The following ITGB2 variants were observed in gnomAD, a reference collection of about 807,000 sequenced individuals.
ITGB2 encodes integrin subunit beta 2.
Under a neutral mutation model 86.8 loss-of-function variants are expected in ITGB2, and 56 were observed. The observed-to-expected ratio is 0.65, with a 90% CI of 0.52 to 0.81. The LOEUF (loss-of-function observed/expected upper bound fraction) is 0.81, where lower values mean the gene tolerates loss of function less well. ITGB2 is among the 30% of genes least tolerant of loss of function. The probability of loss-of-function intolerance (pLI) is 0.00; values close to 1 mark genes in which losing one functional copy is unlikely to be tolerated. For missense variants in ITGB2, 948 were observed against 1,061.2 expected, an observed-to-expected ratio of 0.89 and a Z score of 1.48; for synonymous variants, 457 against 450.4, an observed-to-expected ratio of 1.01 and a Z score of -0.19.
At chr21:44,899,314 G>T in intron 7 of ITGB2, 152 bp from the exon 8 acceptor site, 1 of 685,108 alleles carries the variant, frequency 1.5e-6, no homozygotes, top group South Asian at 1.6e-5. Context: ...ACGCAGGAGT[G>T]CAGGGCAGAG....
chr21:44,886,204 C>A lies in ITGB2; in HGVS notation c.*164G>T. On this transcript the variant is annotated 3_prime_UTR_variant, in exon 16 of 16. Transcript: ENST00000652462. ...AGAGTGGAGCTGTCCCCCCGACGAG[C>A]CCCCAGAAGCACCCGGCCGGCCATG... is the stretch of plus-strand genomic sequence containing the variant. 2 of 694,586 alleles carry A rather than the reference C, an allele frequency of 2.9e-6. No individual in the cohort carries two copies. Among genetic ancestry groups the A allele is most frequent in the South Asian group, 1.6e-5 (1 of 63,212 alleles). 43.0% of individuals were successfully genotyped at this position (694,586 alleles called of 1,614,324 possible). A position where few individuals can be genotyped will look rare whatever the true frequency, so the allele number is the denominator to read the frequency against.
At chr21:44,907,973 C>T (rs1415476767) in intron 3 of ITGB2, 1 of 697,326 alleles carries the variant, frequency 1.4e-6, no homozygotes, top group Admixed American at 2.1e-5. Context: ...GTAATCCACA[C>T]AGAAACAAAC....
In ITGB2 at chr21:44,893,071, A is replaced by G. The variant is rs34546748; in HGVS notation, c.1224+333T>C. ...TTGGGGGCCAAGGCGTGTGTGAAGA[A>G]CCCTCCCAGCACCCTCTCACTGAGA... On this transcript the variant is annotated intron_variant, in intron 10 of 15. Transcript: ENST00000652462. 5.8e-4 allele frequency: 188 copies of G among 324,006 alleles called. 2 individuals are homozygous for G. The East Asian group carries it at 0.014, about 25-fold the overall frequency. 20.1% of individuals were successfully genotyped at this position (324,006 alleles called of 1,614,324 possible).
intron 1 of ITGB2, among the ~76,000 whole-genome samples, chr21:44,913,415 C>T (rs186733506): frequency 6.4e-4 from 98 of 152,270 alleles, no homozygotes; most frequent in Non-Finnish European, 1.2e-3. Context: ...TCCCACCTGC[C>T]CACAGGGAGA....
At position 44,888,731 on chromosome 21, in the gene ITGB2, C is replaced by T; in HGVS notation, c.2042G>A (p.Gly681Glu). 6.2e-7 allele frequency: 1 copy of T among 1,611,032 alleles called. No individual in the cohort carries two copies. The highest frequency in any genetic ancestry group is 8.5e-7 in the Non-Finnish European group (1 of 1,179,964). The change falls in exon 14 of 16, where the codon GGG becomes GAG. Residue 681 changes from glycine to glutamate, a missense_variant. Coordinates refer to ENST00000652462, the MANE Select transcript of ITGB2 (RefSeq NM_000211.5). ...WVAYTLEQQD[G>E]MDRYLIYVDE... ...CACATAGATGAGGTAGCGGTCCATC[C>T]CGTCCTGCTGCTCCAGCGTGTAGGC...
intron 7 of ITGB2, among the ~76,000 whole-genome samples, chr21:44,899,842 C>T (rs8132181): frequency 0.056 from 8,481 of 152,286 alleles, 800 homozygotes; most frequent in African/African-American, 0.19. Flanking sequence ...TCCCCGCAGC[C>T]GCTCACCCAG....
rs1156388833 is a variant in ITGB2, at chr21:44,890,100, C to G, written c.1535G>C (p.Cys512Ser). ...NSIICSGLGD[C>S]VCGQCLCHTS... ...GTGGCACAGGCACTGCCCGCAGACACAGTCCCCCAGCCCTGAGCAGATGAT... is the reference window on the plus strand; with the variant it reads ...GTGGCACAGGCACTGCCCGCAGACAGAGTCCCCCAGCCCTGAGCAGATGAT... Residue 512 changes from cysteine (C) to serine (S), a missense_variant, in exon 12 of 16, where the codon TGT (cysteine) becomes TCT (serine). Coordinates refer to ENST00000652462, the MANE Select transcript of ITGB2 (RefSeq NM_000211.5). The G allele has an allele frequency of 6.2e-7, 1 of 1,613,386 alleles. No homozygotes were observed. Among genetic ancestry groups the G allele is most frequent in the Non-Finnish European group, 8.5e-7 (1 of 1,180,026 alleles).
chr21:44,899,007 C>G (rs2083908389), intron 8 of ITGB2, 60 bp downstream of exon 8: 2 of 1,362,546 alleles, frequency 1.5e-6, no homozygotes, highest in Non-Finnish European at 2.1e-6. Context: ...GGCGCTGGGT[C>G]TGGCCTGTGG....
intron 9 of ITGB2, chr21:44,893,887 G>A: frequency 2.8e-6 from 1 of 359,124 alleles, no homozygotes; most frequent in Non-Finnish European, 5.5e-6. Flanking sequence ...GGGAGAAACA[G>A]AGAGAGGCAG....
chr21:44,903,020 G>T lies in ITGB2; in HGVS notation c.499+345C>A, dbSNP rs181836079. Among the ~76,000 whole-genome samples the T allele has an allele frequency of 1.6e-3, 247 of 152,344 alleles. No homozygotes were observed. The Middle Eastern group carries it at 0.034, about 21-fold the overall frequency. ...GCTGTGTGGTTTCTTCAGTGCTGCC[G>T]TCGCTGTGCCGTCTATATGTGTTGT... On this transcript the variant is annotated intron_variant, in intron 5 of 15. Transcript: ENST00000652462.
chr21:44,901,662 A>G lies in ITGB2; in HGVS notation c.571T>C (p.Cys191Arg). Residue 191 changes from cysteine (C) to arginine (R), a missense_variant, in exon 6 of 16, where the codon TGC becomes CGC. Coordinates refer to ENST00000652462, the MANE Select transcript of ITGB2 (RefSeq NM_000211.5). ...TGGCACTCTTTCTCCTTGTTGGGGCATGGGTTTCGCAGCTTATCAGGGTGC... is the reference window on the plus strand; with the variant it reads ...TGGCACTCTTTCTCCTTGTTGGGGCGTGGGTTTCGCAGCTTATCAGGGTGC... ...NTHPDKLRNP[C>R]PNKEKECQPP... is the part of the protein sequence containing the mutation. 1 of 1,614,226 alleles carries G rather than the reference A, an allele frequency of 6.2e-7. No homozygotes were observed. Among genetic ancestry groups the G allele is most frequent in the Non-Finnish European group, 8.5e-7 (1 of 1,180,036 alleles).
At chr21:44,890,625 C>T (rs2083773087) in intron 11 of ITGB2, among the ~76,000 whole-genome samples, 1 of 152,210 alleles carries the variant, frequency 6.6e-6, no homozygotes, top group African/African-American at 2.4e-5. Flanking sequence ...CGCCCTCCCT[C>T]CTGCGTTCGT....
chr21:44,927,018 G>C (rs947548563), intron 1 of ITGB2: 8 of 152,264 alleles, frequency 5.3e-5, no homozygotes, highest in African/African-American at 1.7e-4. Flanking sequence ...AGCATAGATG[G>C]GGAAGGAGAT....
Position 44,903,305 on chromosome 21 carries a change from G to A in ITGB2, c.499+60C>T, listed in dbSNP as rs574179767. The A allele has an allele frequency of 2.5e-6, 4 of 1,593,682 alleles. No homozygotes were observed. The East Asian group carries it at 6.7e-5, about 27-fold the overall frequency. On this transcript the variant is annotated intron_variant, in intron 5 of 15. Coordinates refer to ENST00000652462, the MANE Select transcript of ITGB2 (RefSeq NM_000211.5). ...GTGCGAGGAGTTGTGTGGGCCACAGGCAGGAGTGGCCAGGGTCTGGGAAAG... is the reference window on the plus strand; with the variant it reads ...GTGCGAGGAGTTGTGTGGGCCACAGACAGGAGTGGCCAGGGTCTGGGAAAG...
intron 10 of ITGB2, chr21:44,892,831 C>T (rs935316802): frequency 6.3e-6 from 1 of 158,670 alleles, no homozygotes; most frequent in Admixed American, 6.0e-5. Flanking sequence ...AGTGTCCATT[C>T]CTAACCACCT....
intron 4 of ITGB2, among the ~76,000 whole-genome samples, chr21:44,905,310 C>T (rs1490403463): frequency 6.6e-6 from 1 of 152,138 alleles, no homozygotes; most frequent in South Asian, 2.1e-4. Context: ...CCCGAGTTTG[C>T]CTACCCTCAC....
At chr21:44,892,586 C>T (rs377401380) in intron 10 of ITGB2, among the ~76,000 whole-genome samples, 1 of 116,070 alleles carries the variant, frequency 8.6e-6, no homozygotes, top group Non-Finnish European at 1.6e-5. Context: ...GCCTGGGCGA[C>T]AGAGCGAAAC....
intron 11 of ITGB2, among the ~76,000 whole-genome samples, chr21:44,891,275 G>C (rs1285622313): frequency 2.0e-5 from 3 of 152,168 alleles, no homozygotes. Context: ...GGCAGGGGGT[G>C]TGCACGCCCA....
Position 44,891,988 on chromosome 21 carries a change from G to A in ITGB2, c.1233C>T (p.Phe411=). 1 of 1,612,402 alleles carries A rather than the reference G, an allele frequency of 6.2e-7. No individual in the cohort carries two copies. Among genetic ancestry groups the A allele is most frequent in the Non-Finnish European group, 8.5e-7 (1 of 1,179,938 alleles). The change falls in exon 11 of 16, where the codon TTC becomes TTT. Residue 411 remains phenylalanine (F), a synonymous_variant. Coordinates refer to ENST00000652462, the MANE Select transcript of ITGB2 (RefSeq NM_000211.5). ...DGVQINVPIT[F]QVKVTATECI... is the part of the protein sequence containing the mutation. ...ACTCTGTGGCCGTGACCTTCACCTGGAAGGTGATCTGCAGGGCAGTGCTGG... is the reference window on the plus strand; with the variant it reads ...ACTCTGTGGCCGTGACCTTCACCTGAAAGGTGATCTGCAGGGCAGTGCTGG...
Sources: gnomAD v4.1 joint callset for allele counts (sites outside exome capture counted in the v4.1 genomes callset) on GRCh38, gnomAD v4.1.1 for gene constraint, MANE v1.5 for transcripts, NCBI Gene and HGNC (gene_info 2026-07-23, HGNC 2026-07-21) for gene names.